The following DLGAP2 variants were observed in gnomAD, a reference collection of about 807,000 sequenced individuals.
DLGAP2 encodes the protein DLG associated protein 2, also known as disks large-associated protein 2.
A neutral mutation model predicts 100.3 loss-of-function variants in DLGAP2; 26 were observed. The ratio of observed to expected loss-of-function variants is 0.26; its 90% CI spans 0.19 to 0.36. The LOEUF (loss-of-function observed/expected upper bound fraction) is 0.36. Ranked by LOEUF, DLGAP2 falls within the 10% of genes least tolerant of loss-of-function variation. The pLI is 1.00. For synonymous variants in DLGAP2, 886 were observed against 630.1 expected (o/e 1.41, Z -6.08); for missense variants, 1,858 against 1,453.2 (o/e 1.28, Z -4.53).
chr8:790,211 T>C (rs1418984769), intron 1 of DLGAP2, among the ~76,000 whole-genome samples: 1 of 151,784 alleles, frequency 6.6e-6, no homozygotes, highest in Non-Finnish European at 1.5e-5. Flanking sequence ...AGAAAAGGGG[T>C]AAAGGAGGCT....
At chr8:1,352,629 T>C (rs1801761865) in intron 3 of DLGAP2, among the ~76,000 whole-genome samples, 1 of 152,194 alleles carries the variant, frequency 6.6e-6, no homozygotes, top group South Asian at 2.1e-4. Context: ...TTTCTCTGAA[T>C]AAGCTTTGAG....
intron 2 of DLGAP2, among the ~76,000 whole-genome samples, chr8:1,255,757 T>C (rs1349764082): frequency 1.4e-5 from 2 of 145,672 alleles, no homozygotes; most frequent in East Asian, 4.4e-4. Flanking sequence ...GTGTGTCCTC[T>C]CCTGCCTGGG....
intron 1 of DLGAP2, among the ~76,000 whole-genome samples, chr8:830,900 T>C (rs1389325024): frequency 1.3e-5 from 2 of 150,776 alleles, no homozygotes; most frequent in Non-Finnish European, 3.0e-5. Flanking sequence ...GTGACTTTTT[T>C]TTTTTTTTTT....
chr8:1,631,481 C>A (rs1231786494), intron 7 of DLGAP2, among the ~76,000 whole-genome samples: 1 of 152,160 alleles, frequency 6.6e-6, no homozygotes, highest in Non-Finnish European at 1.5e-5. Flanking sequence ...GAAAAACATC[C>A]TGTTTCCAAG....
intron 6 of DLGAP2, among the ~76,000 whole-genome samples, chr8:1,614,596 C>A (rs570867463): frequency 3.3e-5 from 5 of 152,342 alleles, no homozygotes; most frequent in African/African-American, 1.2e-4. Context: ...GAAAGGAGAC[C>A]TCCCAGGCGG....
intron 3 of DLGAP2, among the ~76,000 whole-genome samples, chr8:1,469,730 C>G (rs930903739): frequency 2.6e-5 from 4 of 152,066 alleles, no homozygotes; most frequent in African/African-American, 9.7e-5. Context: ...TATTTGTTGC[C>G]CTAAATAAAA....
intron 3 of DLGAP2, among the ~76,000 whole-genome samples, chr8:1,477,892 C>A (rs532773291): frequency 1.1e-4 from 17 of 152,204 alleles, no homozygotes; most frequent in South Asian, 4.2e-4. Context: ...CAGAGTGACC[C>A]TGAGTCATTT....
chr8:1,537,509 C>T (rs761017961), intron 4 of DLGAP2, among the ~76,000 whole-genome samples: 2 of 152,202 alleles, frequency 1.3e-5, no homozygotes, highest in Non-Finnish European at 2.9e-5. Context: ...GTGTACCTCT[C>T]TCTGTCTGCA....
chr8:1,391,207 T>G (rs1796343760), intron 3 of DLGAP2, among the ~76,000 whole-genome samples: 1 of 152,230 alleles, frequency 6.6e-6, no homozygotes, highest in Non-Finnish European at 1.5e-5. Flanking sequence ...CATGGGGACA[T>G]TGTGCAGGAT....
chr8:1,191,276 T>A lies in DLGAP2; in HGVS notation c.74-67575T>A, dbSNP rs187261993. On this transcript the variant is annotated intron_variant, in intron 2 of 14. Transcript: ENST00000637795. The stretch of plus-strand genomic sequence containing the variant: ...AGCTCCACCTCCCGGGTTCAGGCCA[T>A]TCTCCTGCCTCAGCCTCCCGAGTAG... Among the ~76,000 whole-genome samples the A allele has an allele frequency of 2.5e-4, 38 of 150,446 alleles. 1 individual carries two copies. The East Asian group carries it at 7.1e-3, about 28-fold the overall frequency.
chr8:1,550,439 G>C (rs1476538221), intron 5 of DLGAP2, among the ~76,000 whole-genome samples: 1 of 152,146 alleles, frequency 6.6e-6, no homozygotes, highest in African/African-American at 2.4e-5. Context: ...TTTCTTTAAG[G>C]CCTCTAAGGC....
intron 2 of DLGAP2, among the ~76,000 whole-genome samples, chr8:1,257,742 G>A (rs1215184707): frequency 6.6e-6 from 1 of 151,960 alleles, no homozygotes; most frequent in African/African-American, 2.4e-5. Context: ...GCAGGCCAGC[G>A]CTGACGTGGA....
chr8:1,336,297 C>T (rs1199039462), intron 3 of DLGAP2, among the ~76,000 whole-genome samples: 1 of 152,144 alleles, frequency 6.6e-6, no homozygotes, highest in Non-Finnish European at 1.5e-5. Flanking sequence ...ATCTGAAGCA[C>T]CTTCGTTCTG....
intron 3 of DLGAP2, among the ~76,000 whole-genome samples, chr8:1,272,861 T>C (rs1159548175): frequency 6.6e-6 from 1 of 152,054 alleles, no homozygotes; most frequent in Non-Finnish European, 1.5e-5. Flanking sequence ...TGTAGAGGCT[T>C]TGGGGGCAGA....
chr8:1,207,984 A>T (rs1798029759), intron 2 of DLGAP2, among the ~76,000 whole-genome samples: 1 of 151,898 alleles, frequency 6.6e-6, no homozygotes, highest in African/African-American at 2.4e-5. Flanking sequence ...TCACATGCAT[A>T]GTTTTTGAAG....
chr8:889,249 G>C (rs1292406023), intron 1 of DLGAP2, among the ~76,000 whole-genome samples: 1 of 152,226 alleles, frequency 6.6e-6, no homozygotes, highest in Admixed American at 6.5e-5. Context: ...GCAGGTCACA[G>C]GGGATATGAT....
intron 2 of DLGAP2, among the ~76,000 whole-genome samples, chr8:1,059,453 G>C (rs1240163128): frequency 1.3e-5 from 2 of 152,194 alleles, no homozygotes; most frequent in African/African-American, 2.4e-5. Flanking sequence ...CCCTCCATGA[G>C]ACAGAGACCC....
chr8:1,346,332 A>G (rs1801554831), intron 3 of DLGAP2, among the ~76,000 whole-genome samples: 1 of 150,306 alleles, frequency 6.7e-6, no homozygotes, highest in Non-Finnish European at 1.5e-5. Context: ...TTGCGTTCCC[A>G]TACACATCTG....
chr8:1,030,730 A>G (rs6420235), intron 2 of DLGAP2, among the ~76,000 whole-genome samples: 134,766 of 152,222 alleles, frequency 0.89, 59,960 homozygotes, highest in Non-Finnish European at 0.9. Flanking sequence ...TACTCTTGAT[A>G]TCCTCAGATG....
Sources: gnomAD v4.1 joint callset for allele counts (sites outside exome capture counted in the v4.1 genomes callset) on GRCh38, gnomAD v4.1.1 for gene constraint, MANE v1.5 for transcripts, NCBI Gene and HGNC (gene_info 2026-07-23, HGNC 2026-07-21) for gene names.